The following ICA1 variants were observed in gnomAD, a reference collection of about 807,000 sequenced individuals.
ICA1 encodes the protein islet cell autoantigen 1.
A neutral mutation model predicts 71.0 loss-of-function variants in ICA1; 40 were observed. The ratio of observed to expected loss-of-function variants is 0.56; its 90% CI spans 0.44 to 0.73. The LOEUF (loss-of-function observed/expected upper bound fraction) is 0.73. ICA1 is among the 30% of genes least tolerant of loss of function. ICA1 has a pLI of 0.00. For synonymous variants in ICA1, 207 were observed against 209.5 expected, an observed-to-expected ratio of 0.99 and a Z score of 0.10; for missense variants, 578 against 576.5, an observed-to-expected ratio of 1.00 and a Z score of -0.03.
At chr7:8,162,260 A>G (rs1242737340) in intron 6 of ICA1, among the ~76,000 whole-genome samples, 1 of 152,160 alleles carries the variant, frequency 6.6e-6, no homozygotes, top group Admixed American at 6.5e-5. Context: ...AATTTTAGAA[A>G]CCTAGAAGAC....
intron 6 of ICA1, among the ~76,000 whole-genome samples, chr7:8,215,840 T>G (rs1795239282): frequency 6.6e-6 from 1 of 152,248 alleles, no homozygotes; most frequent in Admixed American, 6.5e-5. Flanking sequence ...CCACAGTCAC[T>G]CCTGAGGAGC....
rs1026928666 is a variant in ICA1, at chr7:8,144,925, C to T, written c.805-953G>A. On this transcript the variant is annotated intron_variant, in intron 8 of 13. Transcript: ENST00000402384. The surrounding 1 kb of genome is among the most constrained non-coding windows in gnomAD (Gnocchi z 4.5). ...TCACTTGTCTGACACACATAGGAGG[C>T]AATCAGGTTTCATGGCCAATTCTGA... Among the ~76,000 whole-genome samples the T allele has an allele frequency of 1.3e-5, 2 of 152,142 alleles. No homozygotes were observed. Among genetic ancestry groups the T allele is most frequent in the South Asian group, 4.1e-4 (2 of 4,826 alleles).
chr7:8,175,189 G>A (rs753610000), intron 6 of ICA1, among the ~76,000 whole-genome samples: 1 of 152,154 alleles, frequency 6.6e-6, no homozygotes, highest in African/African-American at 2.4e-5. Flanking sequence ...CCTTGCTCAA[G>A]GAGGGAGCAG....
At position 8,113,777 on chromosome 7, in the gene ICA1, C is replaced by T; in HGVS notation, c.*146G>A. ...TACCAAATAAGAGTAAATAATTATA[C>T]CAATATAAACAGGGCCGTTGACCCT... On this transcript the variant is annotated 3_prime_UTR_variant, in exon 14 of 14. Transcript: ENST00000402384. The surrounding 1 kb of genome is among the most constrained non-coding windows in gnomAD (Gnocchi z 4.2). The T allele has an allele frequency of 1.3e-6, 1 of 761,042 alleles. No individual in the cohort carries two copies. Among genetic ancestry groups the T allele is most frequent in the Non-Finnish European group, 2.1e-6 (1 of 467,024 alleles). 47.1% of individuals were successfully genotyped at this position (761,042 alleles called of 1,614,324 possible). A position where few individuals can be genotyped will look rare whatever the true frequency, so the allele number is the denominator to read the frequency against.
At chr7:8,257,938 T>C (rs942175437) in intron 1 of ICA1, among the ~76,000 whole-genome samples, 7 of 152,190 alleles carry the variant, frequency 4.6e-5, no homozygotes, top group African/African-American at 1.7e-4. Context: ...TGTTGACTTT[T>C]GTACACACAT....
chr7:8,172,261 T>G (rs764652930), intron 6 of ICA1, among the ~76,000 whole-genome samples: 1 of 152,106 alleles, frequency 6.6e-6, no homozygotes, highest in Non-Finnish European at 1.5e-5. Context: ...TATTCTATTA[T>G]CAGTTGTAGA....
chr7:8,127,124 G>C (rs1488003762), intron 13 of ICA1, among the ~76,000 whole-genome samples: 2 of 151,880 alleles, frequency 1.3e-5, no homozygotes, highest in East Asian at 1.9e-4. Flanking sequence ...GGGATTACAG[G>C]CATGTGCCAT....
intron 6 of ICA1, among the ~76,000 whole-genome samples, chr7:8,159,487 G>A (rs1802901731): frequency 6.6e-6 from 1 of 152,184 alleles, no homozygotes; most frequent in Non-Finnish European, 1.5e-5. Flanking sequence ...TGAGGTGGGT[G>A]GATCACTTGA....
intron 8 of ICA1, among the ~76,000 whole-genome samples, chr7:8,153,836 A>AATATATATATATAATATATAT (rs1800528484): frequency 7.3e-6 from 1 of 137,172 alleles, no homozygotes; most frequent in Non-Finnish European, 1.6e-5. Flanking sequence ...ACTCATGCAG[A>AATATATATATATAATATATAT]ATATATATAT....
chr7:8,205,918 G>A (rs1015016765), intron 6 of ICA1, among the ~76,000 whole-genome samples: 8 of 152,222 alleles, frequency 5.3e-5, no homozygotes, highest in Admixed American at 4.6e-4. Flanking sequence ...CCTGTAGGGT[G>A]CTGCAATCCA....
intron 1 of ICA1, among the ~76,000 whole-genome samples, chr7:8,256,063 C>T (rs971331979): frequency 1.3e-5 from 2 of 152,162 alleles, no homozygotes; most frequent in African/African-American, 4.8e-5. Flanking sequence ...ACATGAGCCA[C>T]CACACCCAGC....
intron 13 of ICA1, among the ~76,000 whole-genome samples, chr7:8,118,088 A>T (rs966957208): frequency 6.6e-6 from 1 of 152,196 alleles, no homozygotes; most frequent in Non-Finnish European, 1.5e-5. Context: ...CCGTGAGTAT[A>T]CTTCTAAAGC....
intron 13 of ICA1, among the ~76,000 whole-genome samples, chr7:8,127,148 GT>G (rs34728476): frequency 4.9e-4 from 71 of 144,264 alleles, no homozygotes; most frequent in Admixed American, 2.0e-3. Flanking sequence ...GCCTACCTAA[GT>G]TTTTTTTTTT....
At chr7:8,192,400 A>G (rs1785989855) in intron 6 of ICA1, among the ~76,000 whole-genome samples, 1 of 152,230 alleles carries the variant, frequency 6.6e-6, no homozygotes. Context: ...AGTATAACAA[A>G]AGTCATTCCG....
intron 6 of ICA1, among the ~76,000 whole-genome samples, chr7:8,188,974 G>C (rs1296308575): frequency 6.6e-6 from 1 of 152,220 alleles, no homozygotes; most frequent in Non-Finnish European, 1.5e-5. Flanking sequence ...CAGTGAACCA[G>C]ATTTGATACC....
Position 8,234,044 on chromosome 7 carries a change from A to C in ICA1, c.18-1289T>G, listed in dbSNP as rs1801079959. ...TTCAGATCAGCCTGGGCAACATAGT[A>C]AAACCCCATCTCTACAAATAATTAG... On this transcript the variant is annotated intron_variant, in intron 2 of 13. Transcript: ENST00000402384. The surrounding 1 kb of genome is among the most constrained non-coding windows in gnomAD (Gnocchi z 4.5). Among the ~76,000 whole-genome samples, 1 of 152,112 alleles carries C rather than the reference A, an allele frequency of 6.6e-6. No individual in the cohort carries two copies. Among genetic ancestry groups the C allele is most frequent in the Non-Finnish European group, 1.5e-5 (1 of 68,006 alleles).
intron 1 of ICA1, among the ~76,000 whole-genome samples, chr7:8,247,129 C>T (rs1056528054): frequency 6.6e-6 from 1 of 151,266 alleles, no homozygotes; most frequent in South Asian, 2.1e-4. Flanking sequence ...GCAATCGTCC[C>T]ACTTGTCATT....
intron 7 of ICA1, among the ~76,000 whole-genome samples, chr7:8,157,933 G>A (rs543723095): frequency 1.3e-5 from 2 of 151,846 alleles, no homozygotes; most frequent in South Asian, 2.1e-4. Context: ...CAAGTGATCC[G>A]CCTGCCTCGG....
At chr7:8,247,626 G>A (rs919942407) in intron 1 of ICA1, among the ~76,000 whole-genome samples, 2 of 152,112 alleles carry the variant, frequency 1.3e-5, no homozygotes, top group Non-Finnish European at 2.9e-5. Context: ...CCACAAAGTG[G>A]ACAGGAGTCA....
Sources: allele counts gnomAD v4.1 joint callset (sites outside exome capture counted in the v4.1 genomes callset), GRCh38; gene constraint gnomAD v4.1.1; non-coding constraint Gnocchi (gnomAD v3.1); transcripts MANE v1.5; gene names NCBI Gene and HGNC (gene_info 2026-07-23, HGNC 2026-07-21).